Variants in EMILIN1 observed in about 807,000 individuals in gnomAD.
The protein encoded by EMILIN1 is elastin microfibril interfacer 1.
A neutral mutation model predicts 82.4 loss-of-function variants in EMILIN1; 49 were observed. The ratio of observed to expected loss-of-function variants is 0.59; its 90% CI spans 0.47 to 0.75. The LOEUF is 0.75. Ranked by LOEUF, EMILIN1 falls within the 30% of genes least tolerant of loss-of-function variation. The pLI is 0.00. For synonymous variants in EMILIN1, 604 were observed against 602.2 expected (o/e 1.00, Z -0.04); for missense variants, 1,313 against 1,366.4 (o/e 0.96, Z 0.62).
At position 27,083,684 on chromosome 2, in the gene EMILIN1, G is replaced by A. The variant is rs774003712; in HGVS notation, c.2113G>A (p.Glu705Lys). The A allele has an allele frequency of 1.9e-6, 3 of 1,613,924 alleles. No homozygotes were observed. The South Asian group carries it at 3.3e-5, about 18-fold the overall frequency. The stretch of plus-strand genomic sequence containing the variant: ...CACAGAGCATGCTACAGAGAGTGAA[G>A]AGCGCTTCCGAGGCCTAGAGGAGGG... The part of the protein sequence containing the change: ...EATEHATESE[E>K]RFRGLEEGQA... Residue 705 changes from glutamate to lysine, a missense_variant, in exon 4 of 8, where the codon GAG becomes AAG. By Grantham distance (56) the Glu-to-Lys change is moderately conservative. Transcript: ENST00000380320.
Position 27,083,293 on chromosome 2 carries a change from G to A in EMILIN1, c.1722G>A (p.Leu574=). ...GGCTAGGCCAACTGGAGGGGCTGCT[G>A]CAGGCCCATGGGGATGAGGGCTGTG... is the stretch of plus-strand genomic sequence containing the variant. ...AARLGQLEGL[L]QAHGDEGCGA... Residue 574 remains leucine (L), a synonymous_variant, in exon 4 of 8, where the codon CTG becomes CTA. Transcript: ENST00000380320. The A allele has an allele frequency of 1.2e-6, 2 of 1,613,182 alleles. No individual in the cohort carries two copies. Among genetic ancestry groups the A allele is most frequent in the African/African-American group, 1.3e-5 (1 of 75,056 alleles).
Position 27,084,948 on chromosome 2 carries a change from AGAGCTGCTTTATTT to A in EMILIN1, c.2558-42_2558-29del, listed in dbSNP as rs1258651212. ...CAGATGTTTGCTGAGTGACTTAGTGAGAGCTGCTTTATTTCTCACTGCTCCCTTTCCTCTTCTCA... is the reference window on the plus strand; with the variant it reads ...CAGATGTTTGCTGAGTGACTTAGTGACTCACTGCTCCCTTTCCTCTTCTCA... On this transcript the variant is annotated intron_variant, in intron 5 of 7. Transcript: ENST00000380320. 7 of 1,601,040 alleles carry A rather than the reference AGAGCTGCTTTATTT, an allele frequency of 4.4e-6. No individual in the cohort carries two copies. The Admixed American group carries it at 6.7e-5, about 15-fold the overall frequency.
intron 6 of EMILIN1, 66 bp downstream of exon 6, chr2:27,085,074 GCA>G (rs1297164549): frequency 1.9e-5 from 31 of 1,612,696 alleles, no homozygotes; most frequent in Non-Finnish European, 2.6e-5. Flanking sequence ...AGGTCCTCGG[GCA>G]GCCCTGGGCT....
rs1406198281 is a variant in EMILIN1 at position 27,083,227 on chromosome 2, A to G, written c.1656A>G (p.Thr552=). The change falls in exon 4 of 8, where the codon ACA becomes ACG. Residue 552 remains threonine (T), a synonymous_variant. Transcript: ENST00000380320. ...ATCGTGTGGATGCCCAGGATGAGAC[A>G]GCTGCAGAGTTCACACTACGGCTGA... The part of the protein sequence containing the change: ...LQDRVDAQDE[T]AAEFTLRLNL... 6.2e-7 allele frequency: 1 copy of G among 1,611,890 alleles called. No homozygotes were observed. Among genetic ancestry groups the G allele is most frequent in the Non-Finnish European group, 8.5e-7 (1 of 1,178,872 alleles).
rs755201564 is a variant in EMILIN1 at position 27,082,452 on chromosome 2, T to G, written c.881T>G (p.Leu294Arg). 1.3e-6 allele frequency: 2 copies of G among 1,577,022 alleles called. No individual in the cohort carries two copies. Among genetic ancestry groups the G allele is most frequent in the Non-Finnish European group, 1.7e-6 (2 of 1,164,418 alleles). Residue 294 changes from leucine to arginine, a missense_variant, in exon 4 of 8, where the codon CTG becomes CGG. Leu to Arg is a moderately radical substitution (Grantham distance 102, BLOSUM62 -2). Coordinates refer to ENST00000380320, the MANE Select transcript of EMILIN1 (RefSeq NM_007046.4). ...PGPSEELLRQ[L>R]EQRLQESCSV... ...CCCAGTGAGGAGCTGCTGCGGCAGC[T>G]GGAGCAGCGGTTGCAGGAGTCCTGC...
At chr2:27,084,297 C>T in intron 4 of EMILIN1, 118 bp from the exon 5 acceptor site, 4 of 736,802 alleles carry the variant, frequency 5.4e-6, no homozygotes, top group South Asian at 3.4e-5. Context: ...CCCCCTCAGC[C>T]TGCAAAGCTC....
rs1317556141 is a variant in EMILIN1, at chr2:27,082,116, A to G, written c.545A>G (p.Glu182Gly). Reference protein sequence around the residue: ...PGESEKVQQLEEQVQSLTKEL... With the variant: ...PGESEKVQQLGEQVQSLTKEL... ...GAGTCAGAGAAGGTGCAGCAGCTGG[A>G]GGAACAGGTGCAGAGCCTGACCAAG... The change falls in exon 4 of 8, where the codon GAG (glutamate) becomes GGG (glycine). Residue 182 changes from glutamate to glycine, a missense_variant. Coordinates refer to ENST00000380320, the MANE Select transcript of EMILIN1 (RefSeq NM_007046.4). 1.2e-6 allele frequency: 2 copies of G among 1,613,294 alleles called. No homozygotes were observed. Among genetic ancestry groups the G allele is most frequent in the Non-Finnish European group, 1.7e-6 (2 of 1,179,858 alleles).
rs986290557 is a variant in EMILIN1 at position 27,086,227 on chromosome 2, C to G, written c.*212C>G. ...GCCCATGCAGACTTTTGGCCTGGCG[C>G]GATCCCCCAAGAACCCCTCCAGGGC... is the stretch of plus-strand genomic sequence containing the variant. On this transcript the variant is annotated 3_prime_UTR_variant, in exon 8 of 8. Transcript: ENST00000380320. The G allele has an allele frequency of 6.6e-5, 25 of 380,666 alleles. No individual in the cohort carries two copies. Among genetic ancestry groups the G allele is most frequent in the African/African-American group, 5.0e-4 (24 of 47,684 alleles). 23.6% of individuals were successfully genotyped at this position (380,666 alleles called of 1,614,324 possible). A position where few individuals can be genotyped will look rare whatever the true frequency, so the allele number is the denominator to read the frequency against.
In EMILIN1 at chr2:27,086,329, C is replaced by T; in HGVS notation, c.*314C>T. 1 of 313,638 alleles carries T rather than the reference C, an allele frequency of 3.2e-6. No individual in the cohort carries two copies. The allele number at this position is 313,638 out of a possible 1,614,324, so 19.4% of individuals were successfully genotyped here. A position where few individuals can be genotyped will look rare whatever the true frequency, so the allele number is the denominator to read the frequency against. On this transcript the variant is annotated 3_prime_UTR_variant, in exon 8 of 8. Transcript: ENST00000380320. Reference sequence around the variant, plus strand: ...CCAGGTCGATTCCCTGGGCTCCAGGCTCCCCCGCGCGGGCGCCGCCCACCG... The same window carrying T: ...CCAGGTCGATTCCCTGGGCTCCAGGTTCCCCCGCGCGGGCGCCGCCCACCG...
At position 27,083,894 on chromosome 2, in the gene EMILIN1, C is replaced by G. The variant is rs771449043; in HGVS notation, c.2323C>G (p.Leu775Val). 1.2e-5 allele frequency: 20 copies of G among 1,609,004 alleles called. No individual in the cohort carries two copies. The East Asian group carries it at 2.7e-4, about 22-fold the overall frequency. ...CACCACCAGCCAGATGCAGGCAGCC[C>G]TGCTGGAGAAGCTGGTCGGGGGACA... The part of the protein sequence containing the change: ...TNTTSQMQAA[L>V]LEKLVGGQAG... Residue 775 changes from leucine to valine, a missense_variant, in exon 4 of 8, where the codon CTG becomes GTG. Physicochemically the swap from Leu to Val is conservative, Grantham distance 32. Coordinates refer to ENST00000380320, the MANE Select transcript of EMILIN1 (RefSeq NM_007046.4).
Position 27,078,769 on chromosome 2 carries a change from G to C in EMILIN1, c.-297G>C, listed in dbSNP as rs1669420531. On this transcript the variant is annotated 5_prime_UTR_variant, in exon 1 of 8. Transcript: ENST00000380320. ...TTCTGAGACGCAGCTCCTGAGAGGG[G>C]CAGGGACCAGGCGCGGGAGGCCAGA... The C allele has an allele frequency of 5.7e-6, 2 of 351,166 alleles. No homozygotes were observed. The highest frequency in any genetic ancestry group is 1.0e-5 in the Non-Finnish European group (2 of 194,276). 21.8% of individuals were successfully genotyped at this position (351,166 alleles called of 1,614,324 possible).
chr2:27,080,388 T>G (rs1572845009), intron 2 of EMILIN1, 118 bp downstream of exon 2: 2 of 1,367,334 alleles, frequency 1.5e-6, no homozygotes, highest in Non-Finnish European at 2.0e-6. Context: ...GGGGCTAGGG[T>G]CACAGCCATT....
rs1669487949 is a variant in EMILIN1 at position 27,082,176 on chromosome 2, T to C, written c.605T>C (p.Leu202Pro). ...LQGLRGVLQG[L>P]SGRLAEDVQR... ...GGCCTGCGGGGCGTCCTGCAAGGACTGAGCGGGCGCCTGGCAGAGGATGTG... is the reference window on the plus strand; with the variant it reads ...GGCCTGCGGGGCGTCCTGCAAGGACCGAGCGGGCGCCTGGCAGAGGATGTG... The change falls in exon 4 of 8, where the codon CTG becomes CCG. Residue 202 changes from leucine to proline, a missense_variant. Physicochemically the swap from Leu to Pro is moderately conservative, Grantham distance 98. Transcript: ENST00000380320. 4.3e-6 allele frequency: 7 copies of C among 1,613,630 alleles called. No homozygotes were observed. The highest frequency in any genetic ancestry group is 1.3e-5 in the African/African-American group (1 of 74,938).
rs1229382562 is a variant in EMILIN1, at chr2:27,078,620, C to T, written c.-446C>T. The T allele has an allele frequency of 2.5e-5, 4 of 158,334 alleles. No individual in the cohort carries two copies. The highest frequency in any genetic ancestry group is 7.2e-5 in the African/African-American group (3 of 41,658). The allele number at this position is 158,334 out of a possible 1,614,324, so 9.8% of individuals were successfully genotyped here. On this transcript the variant is annotated 5_prime_UTR_variant, in exon 1 of 8. Transcript: ENST00000380320. ...CCAGGGCCCGCCCCACAGCCACTCT[C>T]GCGCCTCCGAACAGCCACAGGGGCA...
chr2:27,084,082 C>T (rs1669546730), intron 4 of EMILIN1, 71 bp downstream of exon 4: 1 of 1,390,500 alleles, frequency 7.2e-7, no homozygotes, highest in African/African-American at 1.5e-5. Flanking sequence ...CCCAGCCCAG[C>T]TTCCAACTCA....
Position 27,086,141 on chromosome 2 carries a change from C to T in EMILIN1, c.*126C>T. 4.3e-6 allele frequency: 3 copies of T among 698,492 alleles called. No individual in the cohort carries two copies. Among genetic ancestry groups the T allele is most frequent in the Non-Finnish European group, 6.1e-6 (3 of 490,890 alleles). 43.3% of individuals were successfully genotyped at this position (698,492 alleles called of 1,614,324 possible). A position where few individuals can be genotyped will look rare whatever the true frequency, so the allele number is the denominator to read the frequency against. The stretch of plus-strand genomic sequence containing the variant: ...CGCCGCACCCGGGCCCGCAGCGGCA[C>T]CGCGCCCAGAGCGGCCTCTCCCCAC... On this transcript the variant is annotated 3_prime_UTR_variant, in exon 8 of 8. Transcript: ENST00000380320.
At chr2:27,081,235 C>G (rs1218923364) in intron 3 of EMILIN1, among the ~76,000 whole-genome samples, 2 of 152,058 alleles carry the variant, frequency 1.3e-5, no homozygotes, top group Non-Finnish European at 2.9e-5. Context: ...AGAAGGTGCT[C>G]GCACACGCCC....
At position 27,085,152 on chromosome 2, in the gene EMILIN1, C is replaced by A. The variant is rs150596062; in HGVS notation, c.2576-8C>A. The A allele has an allele frequency of 3.3e-3, 5,251 of 1,614,144 alleles. 9 individuals are homozygous for A. Among genetic ancestry groups the A allele is most frequent in the Non-Finnish European group, 3.7e-3 (4,346 of 1,180,026 alleles). ...GCATCCCCTTTAACATCCACCCTTC[C>A]CACTCAGGAGTGGAGGGGGCACCAG... On this transcript the variant is annotated splice_polypyrimidine_tract_variant and splice_region_variant and intron_variant, in intron 6 of 7. Coordinates refer to ENST00000380320, the MANE Select transcript of EMILIN1 (RefSeq NM_007046.4).
Position 27,083,909 on chromosome 2 carries a change from G to A in EMILIN1, c.2338G>A (p.Val780Ile). ...GCAGGCAGCCCTGCTGGAGAAGCTG[G>A]TCGGGGGACAGGCGGGCCTGGGCAG... Reference protein sequence around the residue: ...QMQAALLEKLVGGQAGLGRRL... With the variant: ...QMQAALLEKLIGGQAGLGRRL... Residue 780 changes from valine (V) to isoleucine (I), a missense_variant, in exon 4 of 8, where the codon GTC becomes ATC. Val to Ile is a conservative substitution (Grantham distance 29). Coordinates refer to ENST00000380320, the MANE Select transcript of EMILIN1 (RefSeq NM_007046.4). 6.2e-7 allele frequency: 1 copy of A among 1,608,306 alleles called. No homozygotes were observed. Among genetic ancestry groups the A allele is most frequent in the Non-Finnish European group, 8.5e-7 (1 of 1,176,272 alleles).
Sources: gnomAD v4.1 joint callset for allele counts (sites outside exome capture counted in the v4.1 genomes callset) on GRCh38, gnomAD v4.1.1 for gene constraint, MANE v1.5 for transcripts, NCBI Gene and HGNC (gene_info 2026-07-23, HGNC 2026-07-21) for gene names.